Variants in BRINP3 observed in about 807,000 individuals in gnomAD.
The protein encoded by BRINP3 is BMP/retinoic acid-inducible neural-specific protein 3.
A neutral mutation model predicts 71.0 loss-of-function variants in BRINP3; 19 were observed. That is an observed-to-expected ratio of 0.27 (90% CI 0.19 to 0.39). The LOEUF (loss-of-function observed/expected upper bound fraction) is 0.39. Ranked by LOEUF, BRINP3 falls within the 10% of genes least tolerant of loss-of-function variation. The pLI, the probability that BRINP3 is intolerant of heterozygous loss-of-function variation, is 1.00. For missense variants in BRINP3, 959 were observed against 940.8 expected (o/e 1.02, Z -0.25); for synonymous variants, 380 against 337.7 (o/e 1.13, Z -1.37).
At chr1:190,402,005 C>T (rs1021824963) in intron 2 of BRINP3, among the ~76,000 whole-genome samples, 3 of 151,676 alleles carry the variant, frequency 2.0e-5, no homozygotes. Flanking sequence ...ATATATATTT[C>T]ATTACACTAG....
intron 6 of BRINP3, among the ~76,000 whole-genome samples, chr1:190,195,571 A>T (rs1196548157): frequency 6.6e-6 from 1 of 151,964 alleles, no homozygotes; most frequent in Non-Finnish European, 1.5e-5. Flanking sequence ...TTTTCCTTCA[A>T]ATTTTCCTAT....
At chr1:190,435,227 G>A (rs1005972175) in intron 2 of BRINP3, among the ~76,000 whole-genome samples, 1 of 152,036 alleles carries the variant, frequency 6.6e-6, no homozygotes, top group Admixed American at 6.6e-5. Flanking sequence ...GTTTTATTCT[G>A]ATGCTTGCCT....
intron 1 of BRINP3, among the ~76,000 whole-genome samples, chr1:190,472,144 G>T (rs1292206262): frequency 6.6e-6 from 1 of 151,474 alleles, no homozygotes; most frequent in Non-Finnish European, 1.5e-5. Flanking sequence ...TCCTTTTAAA[G>T]CATCCATATC....
intron 2 of BRINP3, among the ~76,000 whole-genome samples, chr1:190,417,277 A>G (rs1673070326): frequency 1.3e-5 from 2 of 152,198 alleles, no homozygotes; most frequent in African/African-American, 4.8e-5. Flanking sequence ...AAGAAGGCAG[A>G]GAAATAAAAT....
intron 3 of BRINP3, among the ~76,000 whole-genome samples, chr1:190,268,431 C>T (rs1245442810): frequency 1.3e-5 from 2 of 151,956 alleles, no homozygotes; most frequent in African/African-American, 4.8e-5. Context: ...ATATAGGATC[C>T]TAAGCATAAA....
chr1:190,442,444 A>T (rs1425389235), intron 2 of BRINP3, among the ~76,000 whole-genome samples: 3 of 152,150 alleles, frequency 2.0e-5, no homozygotes, highest in Non-Finnish European at 4.4e-5. Context: ...GCAGCCAGGG[A>T]ACTGTCCATC....
rs1012916194 is a variant in BRINP3 at position 190,383,110 on chromosome 1, C to T, written c.236+71545G>A. ...ATTCCTGATATATTTTTTTTCCTCC[C>T]TATTCAACTCATTTTGATCAGGAAA... On this transcript the variant is annotated intron_variant, in intron 2 of 7. Coordinates refer to ENST00000367462, the MANE Select transcript of BRINP3 (RefSeq NM_199051.3). Among the ~76,000 whole-genome samples the T allele has an allele frequency of 1.4e-4, 22 of 152,010 alleles. 1 individual carries two copies. The highest frequency in any genetic ancestry group is 4.3e-4 in the African/African-American group (18 of 41,406).
chr1:190,302,269 T>C (rs936538249), intron 2 of BRINP3, among the ~76,000 whole-genome samples: 2 of 147,274 alleles, frequency 1.4e-5, no homozygotes, highest in Non-Finnish European at 3.0e-5. Context: ...ATTTTATATA[T>C]ATATAAATGT....
At chr1:190,157,148 A>G (rs1373916882) in intron 7 of BRINP3, among the ~76,000 whole-genome samples, 1 of 151,936 alleles carries the variant, frequency 6.6e-6, no homozygotes, top group Non-Finnish European at 1.5e-5. Flanking sequence ...AAAAATTAAC[A>G]CATACTCAAG....
chr1:190,450,355 A>G (rs1025114324), intron 2 of BRINP3, among the ~76,000 whole-genome samples: 1 of 152,338 alleles, frequency 6.6e-6, no homozygotes, highest in Non-Finnish European at 1.5e-5. Context: ...TAAGAAGCTT[A>G]TAACTACTTC....
intron 3 of BRINP3, among the ~76,000 whole-genome samples, chr1:190,274,590 A>G (rs772042854): frequency 6.6e-6 from 1 of 151,686 alleles, no homozygotes; most frequent in Non-Finnish European, 1.5e-5. Flanking sequence ...CCTCAAAAAG[A>G]TGGTCCATTT....
rs71794093 is a variant in BRINP3 at position 190,229,645 on chromosome 1, AACACAC to A, written c.725-3333_725-3328del. Among the ~76,000 whole-genome samples the A allele has an allele frequency of 7.1e-3, 951 of 133,488 alleles. 5 individuals carry two copies. The highest frequency in any genetic ancestry group is 0.021 in the African/African-American group (772 of 36,106). The allele number at this position is 133,488 out of a possible 152,430, so 87.6% of individuals were successfully genotyped here. A position where few individuals can be genotyped will look rare whatever the true frequency, so the allele number is the denominator to read the frequency against. On this transcript the variant is annotated intron_variant, in intron 5 of 7. Transcript: ENST00000367462. The stretch of plus-strand genomic sequence containing the variant: ...CCCAGAGTAAAGAAAAACAAAACAA[AACACAC>A]ACACACACACACACACACACACACA...
At chr1:190,446,553 TGTAA>T (rs1238977281) in intron 2 of BRINP3, among the ~76,000 whole-genome samples, 3 of 152,222 alleles carry the variant, frequency 2.0e-5, no homozygotes, top group Non-Finnish European at 2.9e-5. Context: ...AAGAAGTAAT[TGTAA>T]GTGATTTTTG....
At chr1:190,329,972 A>T (rs369151581) in intron 2 of BRINP3, among the ~76,000 whole-genome samples, 30 of 150,936 alleles carry the variant, frequency 2.0e-4, no homozygotes, top group African/African-American at 6.1e-4. Flanking sequence ...CATTCATCAT[A>T]AAAAAAAAGC....
intron 2 of BRINP3, among the ~76,000 whole-genome samples, chr1:190,397,289 T>A (rs1458336289): frequency 6.6e-6 from 1 of 152,000 alleles, no homozygotes; most frequent in Non-Finnish European, 1.5e-5. Context: ...AGCCTCCATG[T>A]CACATCGGAA....
chr1:190,135,670 C>A (rs1377263472), intron 7 of BRINP3, among the ~76,000 whole-genome samples: 1 of 151,990 alleles, frequency 6.6e-6, no homozygotes, highest in Non-Finnish European at 1.5e-5. Context: ...TAGCCCCAGG[C>A]TAAACTTGAG....
intron 2 of BRINP3, among the ~76,000 whole-genome samples, chr1:190,453,201 G>GTTTTTTTTTTTTTTTTTTTTTT (rs745819844): frequency 5.3e-5 from 2 of 37,854 alleles, no homozygotes. Flanking sequence ...AAAAACTTTA[G>GTTTTTTTTTTTTTTTTTTTTTT]TATTTTTTTT....
intron 2 of BRINP3, among the ~76,000 whole-genome samples, chr1:190,337,082 T>C (rs1417605720): frequency 6.6e-6 from 1 of 151,852 alleles, no homozygotes; most frequent in Non-Finnish European, 1.5e-5. Flanking sequence ...GAGAAATCAG[T>C]CAACATGAAC....
At chr1:190,358,139 C>T (rs539315238) in intron 2 of BRINP3, among the ~76,000 whole-genome samples, 2 of 152,080 alleles carry the variant, frequency 1.3e-5, no homozygotes, top group Admixed American at 1.3e-4. Context: ...GCAATGGCAA[C>T]AAAAGACAAA....
Sources: gnomAD v4.1 joint callset for allele counts (sites outside exome capture counted in the v4.1 genomes callset) on GRCh38, gnomAD v4.1.1 for gene constraint, MANE v1.5 for transcripts, NCBI Gene and HGNC (gene_info 2026-07-23, HGNC 2026-07-21) for gene names.